PTPRG: variants seen among roughly 807,000 people sequenced by gnomAD.
PTPRG encodes protein tyrosine phosphatase receptor type G.
In PTPRG, 102 loss-of-function variants were observed where a neutral mutation model predicts 165.3. The observed-to-expected ratio is 0.62, with a 90% CI of 0.53 to 0.73. The LOEUF (loss-of-function observed/expected upper bound fraction) is 0.73, where lower values mean the gene tolerates loss of function less well. Ranked by LOEUF, PTPRG falls within the 30% of genes least tolerant of loss-of-function variation. The probability of loss-of-function intolerance (pLI) is 0.00; values close to 1 mark genes in which losing one functional copy is unlikely to be tolerated. For missense variants in PTPRG, 1,866 were observed against 1,861.4 expected, an observed-to-expected ratio of 1.00 and a Z score of -0.05; for synonymous variants, 675 against 669.5, an observed-to-expected ratio of 1.01 and a Z score of -0.13.
intron 4 of PTPRG, among the ~76,000 whole-genome samples, chr3:62,047,990 C>A (rs1312977868): frequency 1.3e-5 from 2 of 152,028 alleles, no homozygotes; most frequent in African/African-American, 2.4e-5. Flanking sequence ...GCATTAGTAA[C>A]CTGGCGCTCC....
At chr3:61,886,939 A>T (rs2038053200) in intron 2 of PTPRG, among the ~76,000 whole-genome samples, 2 of 149,464 alleles carry the variant, frequency 1.3e-5, no homozygotes, top group African/African-American at 4.9e-5. Flanking sequence ...TGAAGCTTTG[A>T]TTAGGGACGA....
chr3:61,776,820 T>G (rs991611961), intron 2 of PTPRG, among the ~76,000 whole-genome samples: 1 of 152,198 alleles, frequency 6.6e-6, no homozygotes, highest in African/African-American at 2.4e-5. Flanking sequence ...TAAGAGTAAC[T>G]TAAAAACTAC....
chr3:62,162,553 C>G (rs1039294389), intron 7 of PTPRG, among the ~76,000 whole-genome samples: 3 of 152,200 alleles, frequency 2.0e-5, no homozygotes, highest in African/African-American at 7.2e-5. Context: ...ACGGGATTTT[C>G]TCCTTGGGCC....
intron 15 of PTPRG, among the ~76,000 whole-genome samples, chr3:62,247,778 T>G (rs2106961991): frequency 1.3e-5 from 2 of 152,296 alleles, no homozygotes; most frequent in East Asian, 3.9e-4. Flanking sequence ...GCTTGTATCT[T>G]TAAATCCCAA....
intron 2 of PTPRG, among the ~76,000 whole-genome samples, chr3:61,909,705 C>A (rs925728952): frequency 6.7e-6 from 1 of 149,458 alleles, no homozygotes; most frequent in African/African-American, 2.6e-5. Flanking sequence ...GTTTTAAAAT[C>A]TGTAGGACTA....
At chr3:62,051,325 T>C (rs926259736) in intron 4 of PTPRG, among the ~76,000 whole-genome samples, 3 of 152,226 alleles carry the variant, frequency 2.0e-5, no homozygotes, top group Non-Finnish European at 4.4e-5. Context: ...CCTGGAACAC[T>C]GGATCAGCAT....
chr3:62,121,446 T>C (rs987441147), intron 5 of PTPRG, among the ~76,000 whole-genome samples: 1 of 152,200 alleles, frequency 6.6e-6, no homozygotes, highest in Admixed American at 6.5e-5. Context: ...CACTTTCCCA[T>C]GACTATACAG....
At chr3:62,189,584 C>T (rs1167258558) in intron 8 of PTPRG, among the ~76,000 whole-genome samples, 6 of 152,164 alleles carry the variant, frequency 3.9e-5, no homozygotes, top group Admixed American at 3.9e-4. Context: ...CCTCCTTACC[C>T]GGCACATCAC....
intron 2 of PTPRG, among the ~76,000 whole-genome samples, chr3:61,781,386 A>G (rs2034539987): frequency 6.6e-6 from 1 of 152,212 alleles, no homozygotes; most frequent in Admixed American, 6.5e-5. Context: ...ACATAATTTA[A>G]GTTTGACAAC....
intron 1 of PTPRG, among the ~76,000 whole-genome samples, chr3:61,681,727 C>CAGTAGCCA (rs368255817): frequency 6.6e-6 from 1 of 152,090 alleles, no homozygotes; most frequent in African/African-American, 2.4e-5. Context: ...ACCAAATAAA[C>CAGTAGCCA]AGTAGCCATT....
Position 61,989,676 on chromosome 3 carries a change from G to A in PTPRG, c.242G>A (p.Arg81His), listed in dbSNP as rs148761591. The A allele has an allele frequency of 2.4e-5, 38 of 1,613,936 alleles. No individual in the cohort carries two copies. The highest frequency in any genetic ancestry group is 6.7e-5 in the Admixed American group (4 of 59,982). ...WVTSSVSCGG[R>H]HQSPIDILDQ... ...ACGTCTAGTGTCAGCTGTGGGGGCC[G>A]TCACCAGTCTCCTATTGACATTTTA... Residue 81 changes from arginine (R) to histidine (H), a missense_variant, in exon 3 of 30, where the codon CGT (arginine) becomes CAT (histidine). Physicochemically the swap from Arg to His is conservative, Grantham distance 29. This residue lies in a region of PTPRG where 408 missense variants were observed against 376.2 expected (regional missense o/e 1.08). Coordinates refer to ENST00000474889, the MANE Select transcript of PTPRG (RefSeq NM_002841.4).
At chr3:62,099,681 A>G (rs557774202) in intron 5 of PTPRG, among the ~76,000 whole-genome samples, 3 of 152,254 alleles carry the variant, frequency 2.0e-5, no homozygotes, top group South Asian at 2.1e-4. Context: ...AAACACTGCA[A>G]TTAAGAATAG....
intron 5 of PTPRG, among the ~76,000 whole-genome samples, chr3:62,084,581 G>T (rs908786182): frequency 3.3e-5 from 5 of 152,160 alleles, no homozygotes; most frequent in African/African-American, 1.2e-4. Context: ...ATCTGGAGAG[G>T]CTTAGTAATT....
intron 10 of PTPRG, among the ~76,000 whole-genome samples, chr3:62,196,477 A>G (rs1039602877): frequency 1.3e-5 from 2 of 152,210 alleles, no homozygotes; most frequent in East Asian, 3.9e-4. Flanking sequence ...TCTCATGAAT[A>G]AAATATCTGA....
Position 61,887,154 on chromosome 3 carries a change from ATATATATATATATATATT to A in PTPRG, c.191-102469_191-102452del, listed in dbSNP as rs1356529798. Among the ~76,000 whole-genome samples, 144 of 56,338 alleles carry A rather than the reference ATATATATATATATATATT, an allele frequency of 2.6e-3. 3 individuals carry two copies. The highest frequency in any genetic ancestry group is 5.4e-3 in the African/African-American group (136 of 25,374). The allele number at this position is 56,338 out of a possible 152,430, so 37.0% of individuals were successfully genotyped here. On this transcript the variant is annotated intron_variant, in intron 2 of 29. Coordinates refer to ENST00000474889, the MANE Select transcript of PTPRG (RefSeq NM_002841.4). ...TATATATATATATATATATATATAT[ATATATATATATATATATT>A]TTTAATGCCATCATCAAACACTCAT...
At chr3:62,178,609 A>G (rs917897216) in intron 8 of PTPRG, among the ~76,000 whole-genome samples, 11 of 152,206 alleles carry the variant, frequency 7.2e-5, no homozygotes, top group African/African-American at 2.7e-4. Flanking sequence ...GAATGGAGTC[A>G]CTTAAAGTGT....
Position 62,183,453 on chromosome 3 carries a change from A to C in PTPRG, c.1034-8016A>C, listed in dbSNP as rs745591878. ...GTGGTGGGTACCTGTAATCTCAGCTACTTGGGAGGCTGAGGCATGAGAATT... is the reference window on the plus strand; with the variant it reads ...GTGGTGGGTACCTGTAATCTCAGCTCCTTGGGAGGCTGAGGCATGAGAATT... On this transcript the variant is annotated intron_variant, in intron 8 of 29. Coordinates refer to ENST00000474889, the MANE Select transcript of PTPRG (RefSeq NM_002841.4). 3.5e-4 allele frequency among the ~76,000 whole-genome samples: 53 copies of C among 151,946 alleles called. 1 individual carries two copies. Among genetic ancestry groups the C allele is most frequent in the Admixed American group, 2.0e-4 (3 of 15,246 alleles).
At chr3:61,858,572 T>G (rs1164902112) in intron 2 of PTPRG, among the ~76,000 whole-genome samples, 7 of 152,202 alleles carry the variant, frequency 4.6e-5, no homozygotes, top group Non-Finnish European at 8.8e-5. Context: ...AAGGCATTTT[T>G]TTAAAGCTTT....
At chr3:61,644,592 G>A (rs1702152560) in intron 1 of PTPRG, among the ~76,000 whole-genome samples, 1 of 152,078 alleles carries the variant, frequency 6.6e-6, no homozygotes, top group African/African-American at 2.4e-5. Context: ...CGCCCCCACT[G>A]CCCCCTTTTT....
Sources: gnomAD v4.1 joint callset for allele counts (sites outside exome capture counted in the v4.1 genomes callset) on GRCh38, gnomAD v4.1.1 for gene constraint, gnomAD v4.1.1 regional missense constraint, MANE v1.5 for transcripts, NCBI Gene and HGNC (gene_info 2026-07-23, HGNC 2026-07-21) for gene names.